The following CHSY3 variants were observed in gnomAD, a reference collection of about 807,000 sequenced individuals.
CHSY3 encodes N-acetylgalactosaminyl-proteoglycan 3-beta-glucuronosyltransferase 3.
A neutral mutation model predicts 67.2 loss-of-function variants in CHSY3; 35 were observed. The ratio of observed to expected loss-of-function variants is 0.52; its 90% confidence interval spans 0.40 to 0.69. The LOEUF (loss-of-function observed/expected upper bound fraction) is 0.69, where lower values mean the gene tolerates loss of function less well. Among genes scored for constraint, CHSY3 ranks in the 30% least tolerant of loss-of-function variants. The pLI is 0.00. For missense variants in CHSY3, 1,069 were observed against 1,138.5 expected, an observed-to-expected ratio of 0.94 and a Z score of 0.88; for synonymous variants, 474 against 434.7, an observed-to-expected ratio of 1.09 and a Z score of -1.12.
At chr5:129,925,552 A>C (rs570860980) in intron 2 of CHSY3, among the ~76,000 whole-genome samples, 1 of 152,164 alleles carries the variant, frequency 6.6e-6, no homozygotes, top group Non-Finnish European at 1.5e-5. Context: ...GTTACCTTGC[A>C]TACTCATCAT....
At chr5:130,158,180 A>G (rs1343908488) in intron 2 of CHSY3, among the ~76,000 whole-genome samples, 2 of 152,172 alleles carry the variant, frequency 1.3e-5, no homozygotes, top group Non-Finnish European at 2.9e-5. Flanking sequence ...TAGAATGGCT[A>G]ACTCACTGGG....
intron 2 of CHSY3, among the ~76,000 whole-genome samples, chr5:130,143,187 T>G (rs1346194855): frequency 2.0e-5 from 3 of 152,180 alleles, no homozygotes; most frequent in Admixed American, 6.6e-5. Context: ...TAGTTATCTC[T>G]CCAGACTATT....
chr5:130,042,196 A>G (rs1478628018), intron 2 of CHSY3, among the ~76,000 whole-genome samples: 1 of 152,138 alleles, frequency 6.6e-6, no homozygotes, highest in African/African-American at 2.4e-5. Context: ...AGATTATGCC[A>G]CGGTACTCCA....
intron 2 of CHSY3, among the ~76,000 whole-genome samples, chr5:130,030,499 A>G (rs947778712): frequency 6.6e-6 from 1 of 152,192 alleles, no homozygotes; most frequent in Non-Finnish European, 1.5e-5. Context: ...CAACTCTGAT[A>G]TAATACTGGT....
At chr5:129,913,662 C>T (rs1439327977) in intron 2 of CHSY3, among the ~76,000 whole-genome samples, 1 of 152,074 alleles carries the variant, frequency 6.6e-6, no homozygotes, top group Non-Finnish European at 1.5e-5. Context: ...TGCATTTCTT[C>T]TAAGAGTCAG....
At position 129,932,963 on chromosome 5, in the gene CHSY3, A is replaced by T. The variant is rs531480462; in HGVS notation, c.1086+24603A>T. On this transcript the variant is annotated intron_variant, in intron 2 of 2. Coordinates refer to ENST00000305031, the MANE Select transcript of CHSY3 (RefSeq NM_175856.5). ...TAACTCCGACATTAGCTAGTTTATCACCTTGCTTTTCTGAACTGAAGACTG... is the reference window on the plus strand; with the variant it reads ...TAACTCCGACATTAGCTAGTTTATCTCCTTGCTTTTCTGAACTGAAGACTG... Among the ~76,000 whole-genome samples, 9 of 152,282 alleles carry T rather than the reference A, an allele frequency of 5.9e-5. No individual in the cohort carries two copies. The South Asian group carries it at 1.5e-3, about 25-fold the overall frequency.
intron 2 of CHSY3, among the ~76,000 whole-genome samples, chr5:130,064,883 C>T (rs1765833495): frequency 6.6e-6 from 1 of 152,164 alleles, no homozygotes; most frequent in African/African-American, 2.4e-5. Context: ...GATTTAAGGA[C>T]ATGCCTCTCT....
chr5:130,065,287 AAAAT>A (rs1334346425), intron 2 of CHSY3, among the ~76,000 whole-genome samples: 1 of 152,168 alleles, frequency 6.6e-6, no homozygotes, highest in East Asian at 1.9e-4. Flanking sequence ...ACCAGCTTGA[AAAAT>A]TCTCTCTTAA....
In CHSY3 at chr5:129,904,912, C is replaced by T. The variant is rs1443741482; in HGVS notation, c.83C>T (p.Ala28Val). 4 of 1,536,052 alleles carry T rather than the reference C, an allele frequency of 2.6e-6. No individual in the cohort carries two copies. The highest frequency in any genetic ancestry group is 3.5e-6 in the Non-Finnish European group (4 of 1,143,984). Residue 28 changes from alanine to valine, a missense_variant, in exon 1 of 3, where the codon GCC becomes GTC. Physicochemically the swap from Ala to Val is moderately conservative, Grantham distance 64. Coordinates refer to ENST00000305031, the MANE Select transcript of CHSY3 (RefSeq NM_175856.5). Reference protein sequence around the residue: ...LGFTAASWLIAPRVAELSERK... With the variant: ...LGFTAASWLIVPRVAELSERK... ...TTCACCGCCGCGTCCTGGCTCATCG[C>T]CCCCAGGGTGGCGGAGCTGAGCGAG...
intron 2 of CHSY3, among the ~76,000 whole-genome samples, chr5:129,929,613 A>G (rs984390431): frequency 6.6e-6 from 1 of 152,208 alleles, no homozygotes; most frequent in Non-Finnish European, 1.5e-5. Context: ...ATATATACAC[A>G]TAGTGGAAAT....
At chr5:130,129,429 T>C (rs959524766) in intron 2 of CHSY3, among the ~76,000 whole-genome samples, 4 of 152,160 alleles carry the variant, frequency 2.6e-5, no homozygotes, top group African/African-American at 4.8e-5. Context: ...CACTTAGCTT[T>C]GTTGGAAATA....
intron 2 of CHSY3, among the ~76,000 whole-genome samples, chr5:130,050,745 C>T (rs1019634047): frequency 2.6e-5 from 4 of 152,054 alleles, no homozygotes; most frequent in Admixed American, 2.0e-4. Flanking sequence ...ATGTACTCAT[C>T]TTCAATATGG....
intron 2 of CHSY3, among the ~76,000 whole-genome samples, chr5:129,955,296 C>T (rs2149603806): frequency 6.6e-6 from 1 of 152,216 alleles, no homozygotes; most frequent in Non-Finnish European, 1.5e-5. Flanking sequence ...CTGGTGCCTT[C>T]TACCGTCTTG....
At chr5:129,969,407 T>C (rs1203662351) in intron 2 of CHSY3, among the ~76,000 whole-genome samples, 3 of 151,894 alleles carry the variant, frequency 2.0e-5, no homozygotes, top group African/African-American at 7.2e-5. Flanking sequence ...GATCATGTTT[T>C]ATGATGCATA....
intron 2 of CHSY3, among the ~76,000 whole-genome samples, chr5:129,979,376 C>G (rs1329907210): frequency 1.3e-5 from 2 of 151,832 alleles, no homozygotes; most frequent in Non-Finnish European, 2.9e-5. Context: ...ACTAAATATT[C>G]ACTGTATGAT....
chr5:130,054,589 T>A (rs13181282), intron 2 of CHSY3, among the ~76,000 whole-genome samples: 72,740 of 151,946 alleles, frequency 0.48, 18,080 homozygotes, highest in African/African-American at 0.62. Context: ...ATGTGACTTC[T>A]CATTTCTGTG....
intron 2 of CHSY3, among the ~76,000 whole-genome samples, chr5:129,917,954 C>T (rs1426575014): frequency 6.6e-6 from 1 of 152,142 alleles, no homozygotes; most frequent in African/African-American, 2.4e-5. Flanking sequence ...TATCAATTTT[C>T]CATATTCAAA....
At chr5:130,098,812 G>GA (rs1219185091) in intron 2 of CHSY3, among the ~76,000 whole-genome samples, 2 of 152,126 alleles carry the variant, frequency 1.3e-5, no homozygotes, top group Non-Finnish European at 2.9e-5. Flanking sequence ...CAGAAATTAT[G>GA]AAAAATGAAT....
chr5:130,131,015 C>T (rs955457865), intron 2 of CHSY3, among the ~76,000 whole-genome samples: 2 of 152,166 alleles, frequency 1.3e-5, no homozygotes, highest in Non-Finnish European at 2.9e-5. Flanking sequence ...TTTTTATCTC[C>T]ACACATCTTC....
Sources: allele counts gnomAD v4.1 joint callset (sites outside exome capture counted in the v4.1 genomes callset), GRCh38; gene constraint gnomAD v4.1.1; transcripts MANE v1.5; gene names NCBI Gene and HGNC (gene_info 2026-07-23, HGNC 2026-07-21).